Variants in NTRK3 observed in about 807,000 individuals in gnomAD.
NTRK3 encodes NT-3 growth factor receptor.
NTRK3 carries 24 observed loss-of-function variants against 91.7 expected under a neutral mutation model. The observed-to-expected ratio is 0.26, with a 90% CI of 0.19 to 0.37. NTRK3 has a LOEUF of 0.37. Among genes scored for constraint, NTRK3 ranks in the 10% least tolerant of loss-of-function variants. The pLI is 1.00. For synonymous variants in NTRK3, 483 were observed against 404.0 expected, an observed-to-expected ratio of 1.20 and a Z score of -2.34; for missense variants, 880 against 1,068.9, an observed-to-expected ratio of 0.82 and a Z score of 2.46.
rs549616446 is a variant in NTRK3, at chr15:88,069,924, G to A, written c.1397-36879C>T. ...CTTGGAAAGTCAGAACTCACAGGTC[G>A]CTGTTGAGAGTCTAGGGCGATCTCA... On this transcript the variant is annotated intron_variant, in intron 13 of 18. Coordinates refer to ENST00000394480, the Ensembl canonical transcript of NTRK3. Among the ~76,000 whole-genome samples, 41 of 152,246 alleles carry A rather than the reference G, an allele frequency of 2.7e-4. No homozygotes were observed. In the South Asian group the frequency reaches 7.3e-3, roughly 27 times the overall value.
chr15:87,931,933 A>C (rs1179398234), intron 16 of NTRK3, among the ~76,000 whole-genome samples: 1 of 152,212 alleles, frequency 6.6e-6, no homozygotes, highest in Non-Finnish European at 1.5e-5. Context: ...TGAGATTCAA[A>C]TTGTGGTGGT....
At chr15:87,884,747 A>G (rs1371148644) in intron 17 of NTRK3, among the ~76,000 whole-genome samples, 1 of 151,724 alleles carries the variant, frequency 6.6e-6, no homozygotes, top group East Asian at 1.9e-4. Flanking sequence ...AAGAAGAAAA[A>G]CCATATTTTC....
chr15:88,182,393 T>G (rs2046557385), intron 5 of NTRK3, among the ~76,000 whole-genome samples: 1 of 152,156 alleles, frequency 6.6e-6, no homozygotes, highest in African/African-American at 2.4e-5. Flanking sequence ...ACAGCTCCCC[T>G]GGATGTTCTG....
At chr15:88,181,317 C>T (rs4505272) in intron 5 of NTRK3, among the ~76,000 whole-genome samples, 2 of 152,250 alleles carry the variant, frequency 1.3e-5, no homozygotes, top group African/African-American at 4.8e-5. Context: ...TCTATCGCTG[C>T]CACCACTCAG....
chr15:88,206,359 AAAAC>A (rs2048767340), intron 3 of NTRK3, among the ~76,000 whole-genome samples: 2 of 133,336 alleles, frequency 1.5e-5, no homozygotes, highest in South Asian at 4.9e-4. Flanking sequence ...AAAAAACCAA[AAAAC>A]AAACAAAAAA....
intron 13 of NTRK3, among the ~76,000 whole-genome samples, chr15:88,062,367 G>C (rs1209819841): frequency 6.6e-6 from 1 of 152,154 alleles, no homozygotes; most frequent in Non-Finnish European, 1.5e-5. Context: ...ATTGTTATTA[G>C]CTGAGCACAT....
intron 13 of NTRK3, among the ~76,000 whole-genome samples, chr15:88,087,223 T>A (rs549216186): frequency 6.6e-6 from 1 of 152,290 alleles, no homozygotes; most frequent in Admixed American, 6.5e-5. Context: ...GTGAGAACAG[T>A]ACTGCAGAGT....
exon 19 of NTRK3, chr15:87,870,068 A>G (rs1029892638): frequency 8.0e-5 from 15 of 188,026 alleles, no homozygotes; most frequent in East Asian, 5.9e-4. Context: ...GTCATTATAC[A>G]TAAGAGATAG....
chr15:88,137,005 T>C (rs1020675822), intron 7 of NTRK3, among the ~76,000 whole-genome samples: 1 of 152,196 alleles, frequency 6.6e-6, no homozygotes, highest in Non-Finnish European at 1.5e-5. Context: ...CCAGACATTC[T>C]CAAAGTCTGT....
chr15:88,072,568 T>C (rs1158641427), intron 13 of NTRK3: 1 of 232,552 alleles, frequency 4.3e-6, no homozygotes, highest in Non-Finnish European at 8.5e-6. Flanking sequence ...TTGAGTCACA[T>C]TTAAGCAAGA....
At position 88,025,649 on chromosome 15, in the gene NTRK3, T is replaced by C. The variant is rs150786695; in HGVS notation, c.1585+7208A>G. Among the ~76,000 whole-genome samples, 518 of 152,322 alleles carry C rather than the reference T, an allele frequency of 3.4e-3. 1 individual carries two copies. The highest frequency in any genetic ancestry group is 5.3e-3 in the Non-Finnish European group (361 of 68,032). On this transcript the variant is annotated intron_variant, in intron 14 of 18. Transcript: ENST00000394480. ...AGGAAAGGAAGGATTGATTCCCTTA[T>C]AGGTTTCAGAGGGAGGATGGCCCTG...
intron 17 of NTRK3, among the ~76,000 whole-genome samples, chr15:87,922,061 A>G (rs1234221058): frequency 6.6e-6 from 1 of 152,230 alleles, no homozygotes; most frequent in Non-Finnish European, 1.5e-5. Flanking sequence ...CAAAGTTCCA[A>G]CGAAGAGCAG....
chr15:88,075,123 T>A (rs16941218), intron 13 of NTRK3, among the ~76,000 whole-genome samples: 12 of 152,280 alleles, frequency 7.9e-5, no homozygotes, highest in East Asian at 5.8e-4. Flanking sequence ...GGAACCTACA[T>A]GTAAACTGTA....
intron 5 of NTRK3, among the ~76,000 whole-genome samples, chr15:88,181,735 G>GA (rs1448010213): frequency 6.6e-6 from 1 of 152,134 alleles, no homozygotes; most frequent in Non-Finnish European, 1.5e-5. Flanking sequence ...TTGTTTCACG[G>GA]AATCTCCAAG....
Position 88,176,136 on chromosome 15 carries a change from C to CTTTTTTTTTTTTTT in NTRK3, c.395+7268_395+7281dup, listed in dbSNP as rs139583264. Among the ~76,000 whole-genome samples the CTTTTTTTTTTTTTT allele has an allele frequency of 2.9e-4, 34 of 116,076 alleles. 1 individual carries two copies. Among genetic ancestry groups the CTTTTTTTTTTTTTT allele is most frequent in the African/African-American group, 1.1e-3 (29 of 27,570 alleles). 76.2% of individuals were successfully genotyped at this position (116,076 alleles called of 152,430 possible). On this transcript the variant is annotated intron_variant, in intron 5 of 18. Coordinates refer to ENST00000394480, the Ensembl canonical transcript of NTRK3. The stretch of plus-strand genomic sequence containing the variant: ...TGTAATATTTGCCTATATGCCCCTT[C>CTTTTTTTTTTTTTT]TTTTTTTTTTTTTTTTTTTGAGACA...
intron 13 of NTRK3, among the ~76,000 whole-genome samples, chr15:88,111,614 G>A (rs2051365254): frequency 6.6e-6 from 1 of 152,150 alleles, no homozygotes; most frequent in South Asian, 2.1e-4. Context: ...GTTCCCAGCA[G>A]CCCTAGGTCT....
intron 14 of NTRK3, among the ~76,000 whole-genome samples, chr15:87,945,378 A>G (rs1421588319): frequency 2.0e-5 from 3 of 152,228 alleles, no homozygotes; most frequent in African/African-American, 7.2e-5. Flanking sequence ...GGCTGCTCCA[A>G]GAATTCTTTC....
intron 13 of NTRK3, among the ~76,000 whole-genome samples, chr15:88,093,674 T>C (rs1567385904): frequency 6.6e-6 from 1 of 152,140 alleles, no homozygotes; most frequent in South Asian, 2.1e-4. Flanking sequence ...GAATCAGCAG[T>C]GCAAACCCAA....
chr15:87,871,660 G>C (rs997544494), exon 19 of NTRK3: 1 of 228,694 alleles, frequency 4.4e-6, no homozygotes, highest in Non-Finnish European at 8.7e-6. Flanking sequence ...ATTTCCCATC[G>C]TAATCTTCCT....
Sources: allele counts gnomAD v4.1 joint callset (sites outside exome capture counted in the v4.1 genomes callset), GRCh38; gene constraint gnomAD v4.1.1; transcripts MANE v1.5; gene names NCBI Gene and HGNC (gene_info 2026-07-23, HGNC 2026-07-21).